The following PTPRD variants were observed in gnomAD, a reference collection of about 807,000 sequenced individuals.
The protein encoded by PTPRD is protein tyrosine phosphatase receptor type D, also known as receptor-type tyrosine-protein phosphatase delta.
A neutral mutation model predicts 214.5 loss-of-function variants in PTPRD; 34 were observed. That is an observed-to-expected ratio of 0.16 (90% CI 0.12 to 0.21). The LOEUF (loss-of-function observed/expected upper bound fraction) is 0.21. PTPRD is among the 10% of genes least tolerant of loss of function. The probability of loss-of-function intolerance (pLI) is 1.00; values close to 1 mark genes in which losing one functional copy is unlikely to be tolerated. For missense variants in PTPRD, 2,545 were observed against 2,398.7 expected (o/e 1.06, Z -1.27); for synonymous variants, 1,128 against 845.7 (o/e 1.33, Z -5.79).
At chr9:10,543,079 T>A (rs2059470250) in intron 2 of PTPRD, among the ~76,000 whole-genome samples, 1 of 150,830 alleles carries the variant, frequency 6.6e-6, no homozygotes, top group African/African-American at 2.4e-5. Flanking sequence ...GAGATGGGGC[T>A]TATCCACGTT....
At chr9:9,323,311 G>C (rs73641463) in intron 9 of PTPRD, among the ~76,000 whole-genome samples, 2 of 152,250 alleles carry the variant, frequency 1.3e-5, no homozygotes, top group African/African-American at 4.8e-5. Flanking sequence ...AGTTCACTGA[G>C]TTGGTTTAAT....
chr9:8,692,558 T>A (rs7040154), intron 12 of PTPRD, among the ~76,000 whole-genome samples: 4 of 151,990 alleles, frequency 2.6e-5, no homozygotes, highest in Non-Finnish European at 5.9e-5. Context: ...TAGTGAACAC[T>A]AGCAATCTCT....
chr9:8,960,487 T>C (rs1244132078), intron 11 of PTPRD, among the ~76,000 whole-genome samples: 2 of 152,078 alleles, frequency 1.3e-5, no homozygotes, highest in East Asian at 1.9e-4. Flanking sequence ...AATTCTGACA[T>C]GGGTACCCAG....
intron 35 of PTPRD, among the ~76,000 whole-genome samples, chr9:8,412,530 T>C (rs1359778366): frequency 6.6e-6 from 1 of 152,200 alleles, no homozygotes; most frequent in African/African-American, 2.4e-5. Context: ...TTGAAAATGC[T>C]GACACATCTG....
chr9:8,525,133 G>T, intron 17 of PTPRD, 98 bp from the exon 18 acceptor site: 1 of 1,014,672 alleles, frequency 9.9e-7, no homozygotes. Flanking sequence ...GCCCTGCAAA[G>T]CGAAGGTCCA....
chr9:9,677,375 C>A lies in PTPRD; in HGVS notation c.-287+57158G>T, dbSNP rs563168255. ...TAGCCAGTTTTCCCAGCACCATGAT[C>A]AAGTGGGCTTCATCCCTGGGATGCA... is the stretch of plus-strand genomic sequence containing the variant. On this transcript the variant is annotated intron_variant, in intron 7 of 45. Coordinates refer to ENST00000381196, the MANE Select transcript of PTPRD (RefSeq NM_002839.4). Among the ~76,000 whole-genome samples, 339 of 152,022 alleles carry A rather than the reference C, an allele frequency of 2.2e-3. 2 individuals are homozygous for A. The highest frequency in any genetic ancestry group is 7.5e-3 in the African/African-American group (312 of 41,510).
At chr9:10,470,912 A>G (rs774664707) in intron 2 of PTPRD, among the ~76,000 whole-genome samples, 2 of 152,198 alleles carry the variant, frequency 1.3e-5, no homozygotes, top group Admixed American at 6.5e-5. Flanking sequence ...ATGCCCATCA[A>G]TGAGAAACTG....
intron 3 of PTPRD, among the ~76,000 whole-genome samples, chr9:10,149,955 T>C (rs1328592353): frequency 6.6e-6 from 1 of 152,052 alleles, no homozygotes; most frequent in Non-Finnish European, 1.5e-5. Flanking sequence ...GGTCTTGAAC[T>C]CTTGACATCA....
At chr9:8,975,498 T>C (rs569285721) in intron 11 of PTPRD, among the ~76,000 whole-genome samples, 1 of 152,046 alleles carries the variant, frequency 6.6e-6, no homozygotes, top group Non-Finnish European at 1.5e-5. Context: ...ACATGGTATA[T>C]AGTAAAAATA....
In PTPRD at chr9:8,314,631, C is replaced by A. The variant is rs1306169211; in HGVS notation, c.*3243G>T. The A allele has an allele frequency of 5.6e-5, 13 of 231,472 alleles. No homozygotes were observed. The highest frequency in any genetic ancestry group is 1.8e-4 in the South Asian group (1 of 5,500). The allele number at this position is 231,472 out of a possible 1,614,324, so 14.3% of individuals were successfully genotyped here. On this transcript the variant is annotated 3_prime_UTR_variant, in exon 46 of 46. Coordinates refer to ENST00000381196, the MANE Select transcript of PTPRD (RefSeq NM_002839.4). The stretch of plus-strand genomic sequence containing the variant: ...CCCATAAACCCAAAAGGAACCAAAA[C>A]CCAAAAAGAAAAACAAAAAGGGAAT...
intron 10 of PTPRD, among the ~76,000 whole-genome samples, chr9:9,113,066 G>C (rs1472515935): frequency 6.6e-6 from 1 of 151,618 alleles, no homozygotes; most frequent in East Asian, 1.9e-4. Flanking sequence ...CTGGACCCAA[G>C]TGATCCTCCT....
chr9:10,595,543 G>T (rs12237637), intron 2 of PTPRD, among the ~76,000 whole-genome samples: 2 of 151,070 alleles, frequency 1.3e-5, no homozygotes, highest in East Asian at 3.9e-4. Flanking sequence ...TCTTTTTGGC[G>T]GCTCATTTTG....
chr9:10,298,134 T>C (rs759436361), intron 3 of PTPRD, among the ~76,000 whole-genome samples: 1 of 152,082 alleles, frequency 6.6e-6, no homozygotes, highest in Non-Finnish European at 1.5e-5. Flanking sequence ...AAAACATATA[T>C]CATGAATTTT....
At chr9:9,423,575 A>T (rs745969898) in intron 8 of PTPRD, among the ~76,000 whole-genome samples, 9 of 152,206 alleles carry the variant, frequency 5.9e-5, no homozygotes, top group Non-Finnish European at 1.0e-4. Flanking sequence ...ACAGAAACAT[A>T]CTCATAAGTG....
chr9:10,250,455 A>C (rs2092668948), intron 3 of PTPRD, among the ~76,000 whole-genome samples: 1 of 152,164 alleles, frequency 6.6e-6, no homozygotes, highest in Non-Finnish European at 1.5e-5. Flanking sequence ...TATAAAGCTT[A>C]GATTAACATC....
At chr9:10,113,536 T>C (rs1029103255) in intron 3 of PTPRD, among the ~76,000 whole-genome samples, 1 of 152,160 alleles carries the variant, frequency 6.6e-6, no homozygotes, top group Admixed American at 6.5e-5. Context: ...TTCAAACTTA[T>C]CCAATGATAA....
chr9:8,539,998 T>G (rs1564177524), intron 14 of PTPRD, among the ~76,000 whole-genome samples: 1 of 152,096 alleles, frequency 6.6e-6, no homozygotes, highest in Non-Finnish European at 1.5e-5. Context: ...CCCATTGTAG[T>G]TAGGTAGGAG....
At chr9:8,769,332 G>C (rs781282969) in intron 11 of PTPRD, among the ~76,000 whole-genome samples, 3 of 152,152 alleles carry the variant, frequency 2.0e-5, no homozygotes, top group Non-Finnish European at 4.4e-5. Flanking sequence ...CTAGTACTGA[G>C]AACTAAATGA....
At chr9:8,586,352 C>T (rs1278739114) in intron 14 of PTPRD, among the ~76,000 whole-genome samples, 1 of 152,038 alleles carries the variant, frequency 6.6e-6, no homozygotes, top group East Asian at 1.9e-4. Flanking sequence ...ACTCTATAAC[C>T]AGCATTGATT....
Sources: gnomAD v4.1 joint callset for allele counts (sites outside exome capture counted in the v4.1 genomes callset) on GRCh38, gnomAD v4.1.1 for gene constraint, MANE v1.5 for transcripts, NCBI Gene and HGNC (gene_info 2026-07-23, HGNC 2026-07-21) for gene names.